LIN28B: variants seen among roughly 807,000 people sequenced by gnomAD.
LIN28B encodes protein lin-28 homolog B.
Under a neutral mutation model 21.9 loss-of-function variants are expected in LIN28B, and 5 were observed. The ratio of observed to expected loss-of-function variants is 0.23; its 90% CI spans 0.12 to 0.48. LIN28B has a LOEUF of 0.48. LIN28B is among the 20% of genes least tolerant of loss of function. The probability of loss-of-function intolerance (pLI) is 0.98; values close to 1 mark genes in which losing one functional copy is unlikely to be tolerated. For synonymous variants in LIN28B, 109 were observed against 111.3 expected (o/e 0.98, Z 0.13); for missense variants, 245 against 310.5 (o/e 0.79, Z 1.58).
chr6:105,010,908 C>G (rs1265715123), intron 2 of LIN28B, among the ~76,000 whole-genome samples: 1 of 152,088 alleles, frequency 6.6e-6, no homozygotes, highest in Non-Finnish European at 1.5e-5. Context: ...CATTTTTTTC[C>G]TACTATAAGT....
intron 2 of LIN28B, among the ~76,000 whole-genome samples, chr6:105,023,874 A>G (rs1280319618): frequency 2.0e-5 from 3 of 151,022 alleles, no homozygotes; most frequent in Non-Finnish European, 2.9e-5. Flanking sequence ...AAATTAAATT[A>G]AGTGAAAGTA....
At chr6:105,016,930 G>T (rs1409418616) in intron 2 of LIN28B, among the ~76,000 whole-genome samples, 1 of 151,616 alleles carries the variant, frequency 6.6e-6, no homozygotes, top group Non-Finnish European at 1.5e-5. Context: ...AAAAACAGCT[G>T]GGTGTGGTGG....
Position 104,981,469 on chromosome 6 carries a change from C to A in LIN28B, c.198+23183C>A, listed in dbSNP as rs754432756. Among the ~76,000 whole-genome samples, 99 of 152,352 alleles carry A rather than the reference C, an allele frequency of 6.5e-4. 1 individual carries two copies. The highest frequency in any genetic ancestry group is 2.0e-3 in the Admixed American group (30 of 15,308). On this transcript the variant is annotated intron_variant, in intron 2 of 3. Coordinates refer to ENST00000345080, the MANE Select transcript of LIN28B (RefSeq NM_001004317.4). ...CTCATTTACCCATGGCTGCTTACATCTGCTCTTCTTCTGTTCCTATCACTT... is the reference window on the plus strand; with the variant it reads ...CTCATTTACCCATGGCTGCTTACATATGCTCTTCTTCTGTTCCTATCACTT...
At chr6:104,962,572 C>G (rs1183434799) in intron 2 of LIN28B, among the ~76,000 whole-genome samples, 1 of 151,972 alleles carries the variant, frequency 6.6e-6, no homozygotes, top group Non-Finnish European at 1.5e-5. Context: ...GATATGAAAA[C>G]ATTTAGAGAT....
chr6:105,045,333 C>G (rs1024969893), intron 3 of LIN28B, among the ~76,000 whole-genome samples: 1 of 141,620 alleles, frequency 7.1e-6, no homozygotes, highest in African/African-American at 2.7e-5. Flanking sequence ...GTCACCCAGA[C>G]TGGAGTGCAG....
At chr6:104,940,951 C>G (rs1177423034) in intron 2 of LIN28B, 1 of 152,428 alleles carries the variant, frequency 6.6e-6, no homozygotes, top group Non-Finnish European at 1.5e-5. Context: ...ACGCCACACA[C>G]GTCCTCACAC....
chr6:105,050,451 A>C (rs1771875250), intron 3 of LIN28B, among the ~76,000 whole-genome samples: 1 of 150,458 alleles, frequency 6.6e-6, no homozygotes, highest in African/African-American at 2.4e-5. Flanking sequence ...AAATACAAAA[A>C]ATTAGCCGGG....
chr6:104,960,889 A>G (rs374439826), intron 2 of LIN28B, among the ~76,000 whole-genome samples: 5 of 152,160 alleles, frequency 3.3e-5, no homozygotes, highest in African/African-American at 1.2e-4. Flanking sequence ...ATTTATTGGC[A>G]GTAATACCAT....
rs537712481 is a variant in LIN28B at position 105,008,658 on chromosome 6, A to AT, written c.199-17640_199-17639insT. On this transcript the variant is annotated intron_variant, in intron 2 of 3. Coordinates refer to ENST00000345080, the MANE Select transcript of LIN28B (RefSeq NM_001004317.4). ...GACTACATCTCAAAAAAAAAAAAAA[A>AT]GAGCATACCAATATCAAGTAACATA... Among the ~76,000 whole-genome samples the AT allele has an allele frequency of 5.7e-4, 86 of 152,056 alleles. 1 individual carries two copies. The East Asian group carries it at 0.013, about 24-fold the overall frequency.
intron 3 of LIN28B, among the ~76,000 whole-genome samples, chr6:105,055,817 G>A (rs1337164719): frequency 6.6e-6 from 1 of 151,812 alleles, no homozygotes. Flanking sequence ...GCCCAGGCCG[G>A]AGTGCAGTGG....
intron 2 of LIN28B, among the ~76,000 whole-genome samples, chr6:105,017,870 C>T (rs1771060519): frequency 6.6e-6 from 1 of 152,042 alleles, no homozygotes; most frequent in Non-Finnish European, 1.5e-5. Context: ...CAGACCTGCA[C>T]AGGTACCCCC....
At chr6:104,941,686 G>A (rs1778096807) in intron 2 of LIN28B, among the ~76,000 whole-genome samples, 2 of 152,266 alleles carry the variant, frequency 1.3e-5, no homozygotes, top group Middle Eastern at 3.4e-3. Context: ...GTAAATTCAT[G>A]AATTAAAATT....
intron 3 of LIN28B, among the ~76,000 whole-genome samples, chr6:104,951,030 A>G (rs536120181): frequency 2.9e-4 from 44 of 152,154 alleles, no homozygotes; most frequent in Non-Finnish European, 4.7e-4. Flanking sequence ...TTTCATAAAC[A>G]TATATCAGAA....
At chr6:105,041,383 A>G (rs1434978711) in intron 3 of LIN28B, among the ~76,000 whole-genome samples, 1 of 151,472 alleles carries the variant, frequency 6.6e-6, no homozygotes, top group Non-Finnish European at 1.5e-5. Context: ...TAATTTTGTT[A>G]TATTTTTCTT....
In LIN28B at chr6:104,992,299, C is replaced by T. The variant is rs142709251; in HGVS notation, c.199-33999C>T. On this transcript the variant is annotated intron_variant, in intron 2 of 3. Transcript: ENST00000345080. ...GGAAGTGCAGTGACCTCAGGTGATC[C>T]GCCCACCTTGGCCTCCCAAAGTGCT... 2.7e-3 allele frequency among the ~76,000 whole-genome samples: 408 copies of T among 152,212 alleles called. 1 individual carries two copies. Among genetic ancestry groups the T allele is most frequent in the African/African-American group, 9.2e-3 (384 of 41,520 alleles).
intron 2 of LIN28B, among the ~76,000 whole-genome samples, chr6:104,988,773 T>C (rs1232925077): frequency 6.6e-6 from 1 of 152,116 alleles, no homozygotes; most frequent in Non-Finnish European, 1.5e-5. Context: ...GAGATGGAGT[T>C]TCCCCATGTT....
intron 3 of LIN28B, among the ~76,000 whole-genome samples, chr6:105,057,824 A>G (rs1407398804): frequency 6.6e-6 from 1 of 152,142 alleles, no homozygotes; most frequent in Non-Finnish European, 1.5e-5. Flanking sequence ...TCAGTATAAG[A>G]ATAGGGGCAT....
chr6:105,048,657 T>A (rs1025727663), intron 3 of LIN28B, among the ~76,000 whole-genome samples: 3 of 152,230 alleles, frequency 2.0e-5, no homozygotes, highest in African/African-American at 7.2e-5. Flanking sequence ...GGACTTTTTT[T>A]GGTTGGTGGG....
intron 3 of LIN28B, among the ~76,000 whole-genome samples, chr6:105,077,037 C>A (rs1772440576): frequency 6.6e-6 from 1 of 151,858 alleles, no homozygotes; most frequent in African/African-American, 2.4e-5. Context: ...CAAGACCAGC[C>A]TGGCCAACAT....
Sources: allele counts gnomAD v4.1 joint callset (sites outside exome capture counted in the v4.1 genomes callset), GRCh38; gene constraint gnomAD v4.1.1; transcripts MANE v1.5; gene names NCBI Gene and HGNC (gene_info 2026-07-23, HGNC 2026-07-21).